Variants in GPBP1 observed in about 807,000 individuals in gnomAD.
GPBP1 encodes GC-rich promoter binding protein 1.
Under a neutral mutation model 56.5 loss-of-function variants are expected in GPBP1, and 13 were observed. The ratio of observed to expected loss-of-function variants is 0.23; its 90% CI spans 0.15 to 0.37. The LOEUF is 0.37. Among genes scored for constraint, GPBP1 ranks in the 10% least tolerant of loss-of-function variants. The pLI is 1.00. For missense variants in GPBP1, 477 were observed against 572.3 expected (o/e 0.83, Z 1.70); for synonymous variants, 204 against 188.9 (o/e 1.08, Z -0.66).
At chr5:57,235,119 C>T (rs922061833) in intron 5 of GPBP1, among the ~76,000 whole-genome samples, 4 of 152,098 alleles carry the variant, frequency 2.6e-5, no homozygotes, top group African/African-American at 7.2e-5. Flanking sequence ...TCAGCCTGGC[C>T]AACATGGTGA....
At chr5:57,210,385 C>G (rs1327864751) in intron 2 of GPBP1, among the ~76,000 whole-genome samples, 1 of 151,962 alleles carries the variant, frequency 6.6e-6, no homozygotes, top group Non-Finnish European at 1.5e-5. Context: ...TCTTTATGTC[C>G]ACATGGGACC....
intron 6 of GPBP1, 200 bp from the exon 7 acceptor site, chr5:57,246,100 A>G (rs755515414): frequency 2.7e-5 from 12 of 448,250 alleles, no homozygotes; most frequent in South Asian, 5.3e-5. Flanking sequence ...AATTCTTCCT[A>G]TATTCTGTGG....
chr5:57,234,560 A>G (rs1463569262), intron 5 of GPBP1, among the ~76,000 whole-genome samples: 4 of 152,152 alleles, frequency 2.6e-5, no homozygotes, highest in Non-Finnish European at 5.9e-5. Context: ...CAACATAGCA[A>G]GACCCATTAT....
At chr5:57,246,263 A>G in intron 6 of GPBP1, 37 bp from the exon 7 acceptor site, 1 of 1,535,254 alleles carries the variant, frequency 6.5e-7, no homozygotes, top group Non-Finnish European at 8.8e-7. Flanking sequence ...AAAACTTGAA[A>G]TTGTGAGTGA....
chr5:57,239,874 A>G (rs961895555), intron 6 of GPBP1, among the ~76,000 whole-genome samples: 1 of 152,208 alleles, frequency 6.6e-6, no homozygotes, highest in African/African-American at 2.4e-5. Context: ...TAGTGTTCAC[A>G]ATAGAAATTT....
intron 2 of GPBP1, among the ~76,000 whole-genome samples, chr5:57,199,692 C>T (rs1013764423): frequency 1.1e-4 from 17 of 152,132 alleles, no homozygotes; most frequent in Non-Finnish European, 2.1e-4. Context: ...TGTCCCTCCC[C>T]CTGAGATTTA....
chr5:57,219,828 G>T (rs1419250260), intron 3 of GPBP1, among the ~76,000 whole-genome samples: 1 of 152,082 alleles, frequency 6.6e-6, no homozygotes, highest in Non-Finnish European at 1.5e-5. Context: ...CGAAGCAGGG[G>T]GATCACCTGA....
rs775692874 is a variant in GPBP1 at position 57,175,097 on chromosome 5, C to T, written c.-1010-351C>T. On this transcript the variant is annotated intron_variant, in intron 1 of 11. Transcript: ENST00000506184. Reference sequence around the variant, plus strand: ...TGGTCCATCGAAGAGGGTTGGAGATCTTTTGTAAGATTATGTGTCAATTTC... The same window carrying T: ...TGGTCCATCGAAGAGGGTTGGAGATTTTTTGTAAGATTATGTGTCAATTTC... 4.6e-5 allele frequency among the ~76,000 whole-genome samples: 7 copies of T among 152,220 alleles called. No individual in the cohort carries two copies. In the East Asian group the frequency reaches 1.3e-3, roughly 29 times the overall value.
chr5:57,244,696 T>A (rs962972229), intron 6 of GPBP1, among the ~76,000 whole-genome samples: 8 of 151,636 alleles, frequency 5.3e-5, no homozygotes, highest in African/African-American at 1.2e-4. Context: ...TTGAGTACAA[T>A]CCTAATATTA....
chr5:57,222,360 G>A (rs892921408), intron 3 of GPBP1, among the ~76,000 whole-genome samples: 1 of 152,154 alleles, frequency 6.6e-6, no homozygotes, highest in Non-Finnish European at 1.5e-5. Context: ...GCTGGAATAG[G>A]AAGCCATATG....
chr5:57,211,576 TTTG>T (rs71287163), intron 2 of GPBP1, among the ~76,000 whole-genome samples: 17 of 151,032 alleles, frequency 1.1e-4, no homozygotes, highest in Admixed American at 4.0e-4. Flanking sequence ...CTCCGGGGAT[TTTG>T]TTGTTGTTGT....
chr5:57,242,071 T>C (rs887874275), intron 6 of GPBP1, among the ~76,000 whole-genome samples: 1 of 152,244 alleles, frequency 6.6e-6, no homozygotes, highest in Non-Finnish European at 1.5e-5. Flanking sequence ...TTTTCTTAAA[T>C]GAGCAGGTTT....
intron 2 of GPBP1, among the ~76,000 whole-genome samples, chr5:57,182,931 C>G (rs1036608011): frequency 6.6e-6 from 1 of 152,210 alleles, no homozygotes; most frequent in Non-Finnish European, 1.5e-5. Context: ...GTTCCTCCTG[C>G]CTTGGCCTCC....
intron 6 of GPBP1, among the ~76,000 whole-genome samples, chr5:57,243,322 C>T (rs560296507): frequency 6.6e-6 from 1 of 152,260 alleles, no homozygotes; most frequent in African/African-American, 2.4e-5. Flanking sequence ...GCCTCGGCTT[C>T]CCAAAGTGCT....
intron 2 of GPBP1, 37 bp from the exon 3 acceptor site, chr5:57,214,037 A>G (rs1755604073): frequency 3.2e-6 from 3 of 947,806 alleles, no homozygotes; most frequent in Admixed American, 2.0e-5. Context: ...TTTGGCCAGG[A>G]GCTGCAGGTC....
chr5:57,208,655 C>CTTTTTTTT (rs70999065), intron 2 of GPBP1, among the ~76,000 whole-genome samples: 1 of 119,070 alleles, frequency 8.4e-6, no homozygotes, highest in Non-Finnish European at 1.7e-5. Flanking sequence ...TTTTGTTTTT[C>CTTTTTTTT]TTTTTTTTTT....
intron 2 of GPBP1, among the ~76,000 whole-genome samples, chr5:57,203,947 TAGAC>T (rs752271520): frequency 7.9e-5 from 12 of 152,168 alleles, no homozygotes; most frequent in African/African-American, 1.9e-4. Flanking sequence ...CCATGTTCCT[TAGAC>T]AGGTGTTTTC....
intron 3 of GPBP1, among the ~76,000 whole-genome samples, chr5:57,227,437 A>T (rs1580044373): frequency 1.3e-5 from 2 of 151,848 alleles, no homozygotes; most frequent in Admixed American, 6.6e-5. Flanking sequence ...CAAGTGATCC[A>T]CCTGCCTCAG....
chr5:57,239,062 A>G (rs1740686070), intron 6 of GPBP1, among the ~76,000 whole-genome samples: 1 of 152,248 alleles, frequency 6.6e-6, no homozygotes, highest in Non-Finnish European at 1.5e-5. Context: ...AAGGGAAGGG[A>G]AAATTCTTCG....
Sources: gnomAD v4.1 joint callset for allele counts (sites outside exome capture counted in the v4.1 genomes callset) on GRCh38, gnomAD v4.1.1 for gene constraint, MANE v1.5 for transcripts, NCBI Gene and HGNC (gene_info 2026-07-23, HGNC 2026-07-21) for gene names.